Variants in ZNF780B observed in about 807,000 individuals in gnomAD.
ZNF780B encodes zinc finger protein 779.
In ZNF780B, 52 loss-of-function variants were observed where a neutral mutation model predicts 74.1. That is an observed-to-expected ratio of 0.70 (90% CI 0.56 to 0.88). The LOEUF is 0.88. Ranked by LOEUF, ZNF780B falls within the 40% of genes least tolerant of loss-of-function variation. The pLI is 0.00. For synonymous variants in ZNF780B, 315 were observed against 324.3 expected (o/e 0.97, Z 0.31); for missense variants, 953 against 1,007.6 (o/e 0.95, Z 0.73).
Position 40,031,868 on chromosome 19 carries a change from A to G in ZNF780B, c.*2489T>C, listed in dbSNP as rs762775525. On this transcript the variant is annotated 3_prime_UTR_variant, in exon 5 of 5. Transcript: ENST00000434248. ...TCCATAGATTACTTACCCACTACAA[A>G]CTAAATCTTTACAATGGACTTACGG... is the stretch of plus-strand genomic sequence containing the variant. The G allele has an allele frequency of 2.4e-4, 71 of 300,144 alleles. No individual in the cohort carries two copies. The highest frequency in any genetic ancestry group is 8.0e-5 in the Admixed American group (2 of 24,908). 18.6% of individuals were successfully genotyped at this position (300,144 alleles called of 1,614,324 possible). A position where few individuals can be genotyped will look rare whatever the true frequency, so the allele number is the denominator to read the frequency against.
intron 4 of ZNF780B, among the ~76,000 whole-genome samples, chr19:40,037,446 A>T (rs926966016): frequency 4.6e-5 from 7 of 151,422 alleles, no homozygotes; most frequent in Non-Finnish European, 1.0e-4. Context: ...CTTTATTTTT[A>T]TTTTTACTTT....
chr19:40,035,273 T>A lies in ZNF780B; in HGVS notation c.1586A>T (p.Tyr529Phe), dbSNP rs531768381. ...AGCCTTCCCACACTCCTTACATTCA[T>A]AGGGCTTCTCACCAGTGTGAATACT... ...HQSIHTGEKP[Y>F]ECKECGKAFR... The change falls in exon 5 of 5, where the codon TAT becomes TTT. Residue 529 changes from tyrosine to phenylalanine, a missense_variant. By Grantham distance (22) the Tyr-to-Phe change is conservative (BLOSUM62 3). Coordinates refer to ENST00000434248, the MANE Select transcript of ZNF780B (RefSeq NM_001005851.3). 1 of 1,613,790 alleles carries A rather than the reference T, an allele frequency of 6.2e-7. No individual in the cohort carries two copies. Among genetic ancestry groups the A allele is most frequent in the Non-Finnish European group, 8.5e-7 (1 of 1,179,928 alleles).
At chr19:40,053,869 G>A (rs891297561) in intron 1 of ZNF780B, among the ~76,000 whole-genome samples, 4 of 152,224 alleles carry the variant, frequency 2.6e-5, no homozygotes, top group South Asian at 2.1e-4. Context: ...GGCCAGGTGC[G>A]GTGGCTCACA....
In ZNF780B at chr19:40,028,414, C is replaced by A. The variant is rs865885820; in HGVS notation, c.*5943G>T. On this transcript the variant is annotated 3_prime_UTR_variant, in exon 5 of 5. Transcript: ENST00000434248. ...CATAGATGTGGCAGAAATACATATTCTTGAAGAAAAAAAATGTCTCCCTTA... is the reference window on the plus strand; with the variant it reads ...CATAGATGTGGCAGAAATACATATTATTGAAGAAAAAAAATGTCTCCCTTA... 1 of 151,882 alleles carries A rather than the reference C, an allele frequency of 6.6e-6. No individual in the cohort carries two copies. The highest frequency in any genetic ancestry group is 2.1e-4 in the South Asian group (1 of 4,818). The allele number at this position is 151,882 out of a possible 1,614,324, so 9.4% of individuals were successfully genotyped here.
chr19:40,051,467 C>G (rs2041389677), intron 1 of ZNF780B, among the ~76,000 whole-genome samples: 1 of 152,016 alleles, frequency 6.6e-6, no homozygotes, highest in Non-Finnish European at 1.5e-5. Flanking sequence ...ACTAAGATGT[C>G]TATGTTTTTC....
Position 40,034,796 on chromosome 19 carries a change from T to A in ZNF780B, c.2063A>T (p.Gln688Leu), listed in dbSNP as rs1320567231. The A allele has an allele frequency of 6.2e-7, 1 of 1,614,074 alleles. No homozygotes were observed. Among genetic ancestry groups the A allele is most frequent in the Non-Finnish European group, 8.5e-7 (1 of 1,179,994 alleles). Reference protein sequence around the residue: ...FSRVSNLIQHQKTHSSAKPFV... With the variant: ...FSRVSNLIQHLKTHSSAKPFV... ...GGGTTTCGCACTGGAATGAGTTTTC[T>A]GATGCTGAATAAGGTTTGAAACACG... is the stretch of plus-strand genomic sequence containing the variant. Residue 688 changes from glutamine (Q) to leucine (L), a missense_variant, in exon 5 of 5, where the codon CAG becomes CTG. Coordinates refer to ENST00000434248, the MANE Select transcript of ZNF780B (RefSeq NM_001005851.3).
rs1163980098 is a variant in ZNF780B, at chr19:40,033,347, A to G, written c.*1010T>C. On this transcript the variant is annotated 3_prime_UTR_variant, in exon 5 of 5. Coordinates refer to ENST00000434248, the MANE Select transcript of ZNF780B (RefSeq NM_001005851.3). Reference sequence around the variant, plus strand: ...AATGCAGTAACTGCAATGCACAATTAAGCAAGGTACGCCTGTATCCAGTAA... The same window carrying G: ...AATGCAGTAACTGCAATGCACAATTGAGCAAGGTACGCCTGTATCCAGTAA... The G allele has an allele frequency of 1.3e-5, 2 of 154,994 alleles. No homozygotes were observed. Among genetic ancestry groups the G allele is most frequent in the African/African-American group, 4.8e-5 (2 of 41,546 alleles). The allele number at this position is 154,994 out of a possible 1,614,324, so 9.6% of individuals were successfully genotyped here. A position where few individuals can be genotyped will look rare whatever the true frequency, so the allele number is the denominator to read the frequency against.
At chr19:40,040,139 A>C (rs1367263841) in intron 4 of ZNF780B, among the ~76,000 whole-genome samples, 1 of 152,208 alleles carries the variant, frequency 6.6e-6, no homozygotes, top group African/African-American at 2.4e-5. Flanking sequence ...AATTTTGTCA[A>C]AGGCCTTTTC....
intron 4 of ZNF780B, among the ~76,000 whole-genome samples, chr19:40,039,198 G>A (rs1293955619): frequency 5.9e-5 from 9 of 152,034 alleles, no homozygotes; most frequent in Non-Finnish European, 1.2e-4. Context: ...TTTTTGTCAG[G>A]TTTGTCAAAG....
intron 4 of ZNF780B, among the ~76,000 whole-genome samples, chr19:40,045,771 T>A (rs1013720586): frequency 6.6e-6 from 1 of 152,166 alleles, no homozygotes; most frequent in African/African-American, 2.4e-5. Flanking sequence ...GTGAATCACC[T>A]GAGGTCAGGA....
At position 40,031,994 on chromosome 19, in the gene ZNF780B, C is replaced by CAAAGT. The variant is rs1187286635; in HGVS notation, c.*2358_*2362dup. On this transcript the variant is annotated 3_prime_UTR_variant, in exon 5 of 5. Transcript: ENST00000434248. ...TACAATATGACATAGAAATAACCTA[C>CAAAGT]AAAGTATTCTTCCCCAAAACGTTTA... 1 of 445,238 alleles carries CAAAGT rather than the reference C, an allele frequency of 2.2e-6. No individual in the cohort carries two copies. Among genetic ancestry groups the CAAAGT allele is most frequent in the East Asian group, 7.0e-5 (1 of 14,362 alleles). 27.6% of individuals were successfully genotyped at this position (445,238 alleles called of 1,614,324 possible).
intron 1 of ZNF780B, among the ~76,000 whole-genome samples, chr19:40,054,141 A>C (rs1337919472): frequency 6.6e-6 from 1 of 152,158 alleles, no homozygotes; most frequent in African/African-American, 2.4e-5. Flanking sequence ...CAACAGAGTA[A>C]GACACTCTCT....
At chr19:40,050,429 A>G in intron 1 of ZNF780B, 52 bp from the exon 2 acceptor site, 1 of 1,463,808 alleles carries the variant, frequency 6.8e-7, no homozygotes, top group Non-Finnish European at 9.3e-7. Context: ...GTCCGAAAGC[A>G]CTAGAACGAA....
chr19:40,038,842 T>C (rs1972488443), intron 4 of ZNF780B, among the ~76,000 whole-genome samples: 1 of 150,374 alleles, frequency 6.7e-6, no homozygotes, highest in Non-Finnish European at 1.5e-5. Context: ...TTGTGAAAAT[T>C]TTCTCCCATT....
rs768405741 is a variant in ZNF780B at position 40,034,716 on chromosome 19, G to A, written c.2143C>T (p.His715Tyr). The A allele has an allele frequency of 1.9e-6, 3 of 1,614,048 alleles. No homozygotes were observed. In the Admixed American group the frequency reaches 5.0e-5, roughly 27 times the overall value. ...TTCTCACCAGTATGAATTCGGTAAT[G>A]TTCAGTAAGCTGGTAATGATATCTA... ...TFRYHYQLTE[H>Y]YRIHTGEKPF... Residue 715 changes from histidine to tyrosine, a missense_variant, in exon 5 of 5, where the codon CAT (histidine) becomes TAT (tyrosine). Coordinates refer to ENST00000434248, the MANE Select transcript of ZNF780B (RefSeq NM_001005851.3).
Position 40,035,779 on chromosome 19 carries a change from G to A in ZNF780B, c.1080C>T (p.Pro360=). ...CCTTCCCGCATTCCCTGCATTCAAA[G>A]GGCTTCTCACCCATATGAATCTTCT... The part of the protein sequence containing the change: ...RHQKIHMGEK[P]FECRECGKAF... The change falls in exon 5 of 5, where the codon CCC becomes CCT. Residue 360 remains proline, a synonymous_variant. Coordinates refer to ENST00000434248, the MANE Select transcript of ZNF780B (RefSeq NM_001005851.3). The A allele has an allele frequency of 6.2e-7, 1 of 1,613,840 alleles. No individual in the cohort carries two copies. Among genetic ancestry groups the A allele is most frequent in the Non-Finnish European group, 8.5e-7 (1 of 1,179,978 alleles).
rs1477956869 is a variant in ZNF780B, at chr19:40,047,463, G to A, written c.144C>T (p.Ser48=). 1.9e-6 allele frequency: 3 copies of A among 1,608,290 alleles called. No homozygotes were observed. Among genetic ancestry groups the A allele is most frequent in the Non-Finnish European group, 2.5e-6 (3 of 1,177,322 alleles). The change falls in exon 4 of 5, where the codon TCC becomes TCT. Residue 48 remains serine (S), a synonymous_variant. Transcript: ENST00000434248. ...ATGTAATCACATCTGGCTTAGAAAT[G>A]GAACTTCCTGCTTAAAAGAAATAAC... ...NYSHLISLGS[S]ISKPDVITLL...
rs1161903172 is a variant in ZNF780B at position 40,040,276 on chromosome 19, G to A, written c.233-3650C>T. On this transcript the variant is annotated intron_variant, in intron 4 of 4. Coordinates refer to ENST00000434248, the MANE Select transcript of ZNF780B (RefSeq NM_001005851.3). ...GGATGAAGCCCACTTGATCATGGTG[G>A]AAAAGCTTTTTGATGTGCTGCTGGA... 3.3e-5 allele frequency among the ~76,000 whole-genome samples: 5 copies of A among 152,324 alleles called. No homozygotes were observed. The East Asian group carries it at 9.6e-4, about 29-fold the overall frequency.
At chr19:40,037,990 G>A (rs1181845429) in intron 4 of ZNF780B, among the ~76,000 whole-genome samples, 3 of 150,708 alleles carry the variant, frequency 2.0e-5, no homozygotes, top group African/African-American at 7.3e-5. Flanking sequence ...GTATACATGT[G>A]CCATGTTGGT....
Sources: allele counts gnomAD v4.1 joint callset (sites outside exome capture counted in the v4.1 genomes callset), GRCh38; gene constraint gnomAD v4.1.1; transcripts MANE v1.5; gene names NCBI Gene and HGNC (gene_info 2026-07-23, HGNC 2026-07-21).